Variants in PLCB1 observed in about 807,000 individuals in gnomAD.
The protein encoded by PLCB1 is phospholipase C beta 1.
Under a neutral mutation model 161.8 loss-of-function variants are expected in PLCB1, and 46 were observed. That is an observed-to-expected ratio of 0.28 (90% CI 0.22 to 0.36). The LOEUF is 0.36. Among genes scored for constraint, PLCB1 ranks in the 10% least tolerant of loss-of-function variants. The pLI is 1.00. For synonymous variants in PLCB1, 517 were observed against 503.7 expected, an observed-to-expected ratio of 1.03 and a Z score of -0.35; for missense variants, 1,016 against 1,472.5, an observed-to-expected ratio of 0.69 and a Z score of 5.07.
chr20:8,342,584 A>C (rs1027454413), intron 2 of PLCB1, among the ~76,000 whole-genome samples: 9 of 152,108 alleles, frequency 5.9e-5, no homozygotes, highest in Admixed American at 3.3e-4. Context: ...TACTCTCCCA[A>C]CTTGGTAGTG....
intron 31 of PLCB1, among the ~76,000 whole-genome samples, chr20:8,845,113 C>CA (rs1440124662): frequency 8.4e-5 from 12 of 143,114 alleles, no homozygotes; most frequent in African/African-American, 3.1e-4. Flanking sequence ...GACTCTGTCT[C>CA]AAAAAAATAA....
intron 18 of PLCB1, among the ~76,000 whole-genome samples, chr20:8,731,470 A>T (rs1449447522): frequency 2.6e-5 from 4 of 151,892 alleles, no homozygotes; most frequent in African/African-American, 9.7e-5. Flanking sequence ...TCCTGATCCT[A>T]ATATAAGTTT....
intron 3 of PLCB1, among the ~76,000 whole-genome samples, chr20:8,603,045 G>A (rs1449066963): frequency 6.6e-6 from 1 of 152,106 alleles, no homozygotes; most frequent in Non-Finnish European, 1.5e-5. Flanking sequence ...ACAGCAGGAT[G>A]ATTTGCATTA....
At chr20:8,491,877 A>G (rs1982960748) in intron 3 of PLCB1, among the ~76,000 whole-genome samples, 1 of 152,026 alleles carries the variant, frequency 6.6e-6, no homozygotes, top group Admixed American at 6.5e-5. Context: ...GTCCTTTGTT[A>G]CCTGACATTC....
intron 2 of PLCB1, among the ~76,000 whole-genome samples, chr20:8,361,532 T>C (rs982952752): frequency 6.6e-6 from 1 of 152,078 alleles, no homozygotes; most frequent in Non-Finnish European, 1.5e-5. Flanking sequence ...ACCAGAGAAT[T>C]TGCATTTTTC....
chr20:8,519,577 T>C (rs1984271469), intron 3 of PLCB1, among the ~76,000 whole-genome samples: 1 of 152,152 alleles, frequency 6.6e-6, no homozygotes, highest in Non-Finnish European at 1.5e-5. Context: ...AGAATATTTT[T>C]GTATAACTGC....
At chr20:8,315,994 C>T (rs779350524) in intron 2 of PLCB1, among the ~76,000 whole-genome samples, 5 of 152,166 alleles carry the variant, frequency 3.3e-5, no homozygotes, top group South Asian at 2.1e-4. Context: ...GGGGGTTGAA[C>T]GCTATTCAGC....
At chr20:8,539,769 TTTCC>T (rs562000616) in intron 3 of PLCB1, among the ~76,000 whole-genome samples, 55 of 145,620 alleles carry the variant, frequency 3.8e-4, no homozygotes, top group East Asian at 3.3e-3. Flanking sequence ...TCCTTCCTTC[TTTCC>T]TTCCTTCCTT....
chr20:8,668,190 A>G (rs1452489951), intron 9 of PLCB1, among the ~76,000 whole-genome samples: 6 of 152,042 alleles, frequency 3.9e-5, no homozygotes, highest in Admixed American at 3.9e-4. Context: ...TGAGGGATGG[A>G]CCTTCCACCC....
chr20:8,213,405 T>C (rs1322207082), intron 2 of PLCB1, among the ~76,000 whole-genome samples: 2 of 152,048 alleles, frequency 1.3e-5, no homozygotes, highest in Admixed American at 6.6e-5. Flanking sequence ...GAACTAATTA[T>C]CCAAAGTAAT....
intron 3 of PLCB1, among the ~76,000 whole-genome samples, chr20:8,393,778 TTAATATAAATG>T (rs756340106): frequency 6.6e-6 from 1 of 152,182 alleles, no homozygotes; most frequent in Non-Finnish European, 1.5e-5. Flanking sequence ...TCTCATAGGA[TTAATATAAATG>T]TTCTAAAAGC....
intron 10 of PLCB1, 81 bp from the exon 11 acceptor site, chr20:8,697,545 A>G: frequency 7.1e-7 from 1 of 1,407,270 alleles, no homozygotes; most frequent in Non-Finnish European, 9.9e-7. Context: ...TTTTCCTGTT[A>G]TTGAGGAGCC....
At chr20:8,838,712 C>T (rs888946751) in intron 31 of PLCB1, among the ~76,000 whole-genome samples, 3 of 151,444 alleles carry the variant, frequency 2.0e-5, no homozygotes, top group South Asian at 4.2e-4. Flanking sequence ...ATTTCAAAGT[C>T]GCAGGGCTGG....
intron 31 of PLCB1, among the ~76,000 whole-genome samples, chr20:8,810,828 G>C: frequency 6.6e-6 from 1 of 152,312 alleles, no homozygotes; most frequent in Non-Finnish European, 1.5e-5. Context: ...GCTAGCTGTG[G>C]TGGTGCATGC....
intron 3 of PLCB1, among the ~76,000 whole-genome samples, chr20:8,588,346 TC>T (rs1341786657): frequency 1.3e-5 from 2 of 152,174 alleles, no homozygotes; most frequent in African/African-American, 4.8e-5. Context: ...GATTTTTGTT[TC>T]TAACTTCTTA....
At chr20:8,548,570 A>T (rs902759362) in intron 3 of PLCB1, among the ~76,000 whole-genome samples, 12 of 146,658 alleles carry the variant, frequency 8.2e-5, no homozygotes, top group African/African-American at 2.8e-4. Flanking sequence ...TCTACTATCT[A>T]TGTTTTTGTC....
intron 2 of PLCB1, among the ~76,000 whole-genome samples, chr20:8,170,987 A>G (rs1645517956): frequency 1.3e-5 from 2 of 152,196 alleles, no homozygotes; most frequent in South Asian, 4.1e-4. Context: ...GATTTAAAAT[A>G]AATCTGCAAA....
rs781714752 is a variant in PLCB1, at chr20:8,722,382, C to A, written c.1542C>A (p.Asp514Glu). 6 of 1,610,454 alleles carry A rather than the reference C, an allele frequency of 3.7e-6. No individual in the cohort carries two copies. The highest frequency in any genetic ancestry group is 1.6e-4 in the Middle Eastern group (1 of 6,070). The change falls in exon 15 of 32, where the codon GAC (aspartate) becomes GAA (glutamate). Residue 514 changes from aspartate (D) to glutamate (E), a missense_variant. Transcript: ENST00000338037. ...AAGCTGATACGGAAAGTGACGACGA[C>A]GATGATGATGATGACTGTAAAAAAT... ...AGEADTESDD[D>E]DDDDDCKKSS...
At chr20:8,343,105 A>G (rs1309277908) in intron 2 of PLCB1, among the ~76,000 whole-genome samples, 1 of 152,194 alleles carries the variant, frequency 6.6e-6, no homozygotes, top group Non-Finnish European at 1.5e-5. Flanking sequence ...ATTGTTGTTC[A>G]TCTCCTAGTC....
Sources: gnomAD v4.1 joint callset for allele counts (sites outside exome capture counted in the v4.1 genomes callset) on GRCh38, gnomAD v4.1.1 for gene constraint, MANE v1.5 for transcripts, NCBI Gene and HGNC (gene_info 2026-07-23, HGNC 2026-07-21) for gene names.